EDA: variants seen among roughly 807,000 people sequenced by gnomAD.
EDA encodes ectodysplasin-A.
EDA carries 2 observed loss-of-function variants against 23.6 expected under a neutral mutation model. That is an observed-to-expected ratio of 0.08 (90% confidence interval 0.03 to 0.27). EDA has a LOEUF of 0.27. EDA is among the 10% of genes least tolerant of loss of function. The pLI is 1.00. For synonymous variants in EDA, 131 were observed against 132.0 expected, an observed-to-expected ratio of 0.99 and a Z score of 0.05; for missense variants, 229 against 324.2, an observed-to-expected ratio of 0.71 and a Z score of 2.26.
chrX:69,684,320 G>A (rs1448543650), intron 1 of EDA, among the ~76,000 whole-genome samples: 2 of 111,367 alleles, frequency 1.8e-5, no homozygotes, highest in African/African-American at 6.6e-5. Context: ...GGAACTCATA[G>A]CAGTGTGGGT....
intron 1 of EDA, among the ~76,000 whole-genome samples, chrX:69,768,536 A>G (rs72628833): frequency 0.085 from 9,450 of 111,234 alleles, 998 homozygotes; most frequent in East Asian, 0.7. Flanking sequence ...TCTCGGTTCT[A>G]TTATGTATCA....
At chrX:69,843,168 A>G (rs1052389301) in intron 1 of EDA, among the ~76,000 whole-genome samples, 3 of 112,200 alleles carry the variant, frequency 2.7e-5, no homozygotes, top group African/African-American at 9.7e-5. Flanking sequence ...TCAAGACTCC[A>G]AATTTGTAAC....
chrX:69,661,405 A>G (rs7471344), intron 1 of EDA, among the ~76,000 whole-genome samples: 1 of 96,006 alleles, frequency 1.0e-5, no homozygotes, highest in Non-Finnish European at 2.1e-5. Context: ...GGTGTTTTAG[A>G]CATGAAGTCC....
intron 2 of EDA, among the ~76,000 whole-genome samples, chrX:69,997,266 G>C (rs1474567751): frequency 8.9e-6 from 1 of 111,995 alleles, no homozygotes; most frequent in Admixed American, 9.5e-5. Flanking sequence ...GTCTCAGATA[G>C]AGATGAGGAA....
At chrX:69,761,978 A>T (rs2014322722) in intron 1 of EDA, among the ~76,000 whole-genome samples, 2 of 111,663 alleles carry the variant, frequency 1.8e-5, no homozygotes. Flanking sequence ...GGTAAAGAAC[A>T]TAAGTCTTAC....
intron 1 of EDA, among the ~76,000 whole-genome samples, chrX:69,916,348 T>C (rs1018038406): frequency 1.8e-5 from 2 of 110,012 alleles, no homozygotes; most frequent in Admixed American, 1.9e-4. Flanking sequence ...AGAAATTTTC[T>C]ATTTTGGTAC....
At chrX:69,699,328 T>G (rs2011468295) in intron 1 of EDA, among the ~76,000 whole-genome samples, 1 of 111,013 alleles carries the variant, frequency 9.0e-6, no homozygotes, top group East Asian at 2.8e-4. Context: ...GGTAGTCCTC[T>G]TTTTCTTCTG....
At chrX:69,858,660 ATGTT>A (rs2017311235) in intron 1 of EDA, among the ~76,000 whole-genome samples, 3 of 111,834 alleles carry the variant, frequency 2.7e-5, no homozygotes, top group African/African-American at 9.7e-5. Flanking sequence ...TTCTGCATCA[ATGTT>A]CATCAAGGAT....
chrX:69,705,510 G>A (rs1305533658), intron 1 of EDA, among the ~76,000 whole-genome samples: 2 of 112,306 alleles, frequency 1.8e-5, no homozygotes, highest in African/African-American at 3.2e-5. Context: ...TTTACTCATA[G>A]TAGCAGTAGG....
At chrX:69,992,842 G>A (rs1275842243) in intron 2 of EDA, among the ~76,000 whole-genome samples, 2 of 107,764 alleles carry the variant, frequency 1.9e-5, no homozygotes, top group Non-Finnish European at 3.9e-5. Flanking sequence ...CTTTTCCTAT[G>A]AGTCTGCTTT....
chrX:69,620,634 C>T (rs930003968), intron 1 of EDA: 1 of 145,049 alleles, frequency 6.9e-6, no homozygotes, highest in African/African-American at 3.2e-5. Context: ...CGCATTTTCT[C>T]TCTCACTAAC....
chrX:69,846,182 C>A (rs2017002319), intron 1 of EDA, among the ~76,000 whole-genome samples: 1 of 112,366 alleles, frequency 8.9e-6, no homozygotes, highest in Non-Finnish European at 1.9e-5. Context: ...ACGAAATTTT[C>A]AAATTAAGTT....
intron 1 of EDA, among the ~76,000 whole-genome samples, chrX:69,835,159 T>G (rs2016739524): frequency 1.2e-5 from 1 of 80,401 alleles, no homozygotes; most frequent in African/African-American, 4.4e-5. Flanking sequence ...TTTCCTTCAT[T>G]TCAACCTTGG....
At chrX:69,656,547 T>G (rs1368357964) in intron 1 of EDA, among the ~76,000 whole-genome samples, 1 of 111,826 alleles carries the variant, frequency 8.9e-6, no homozygotes, top group African/African-American at 3.3e-5. Flanking sequence ...TGCAGTTTTC[T>G]TATATAGGTA....
intron 1 of EDA, among the ~76,000 whole-genome samples, chrX:69,819,193 A>G (rs1381381140): frequency 8.9e-6 from 1 of 112,230 alleles, no homozygotes; most frequent in African/African-American, 3.2e-5. Flanking sequence ...AACTCTTAAT[A>G]AACTAGATGT....
intron 2 of EDA, among the ~76,000 whole-genome samples, chrX:70,007,108 A>T (rs745991685): frequency 8.9e-6 from 1 of 112,230 alleles, no homozygotes; most frequent in African/African-American, 3.2e-5. Flanking sequence ...GTGGTATTTC[A>T]CAAATACCAC....
Position 69,676,507 on chromosome X carries a change from C to T in EDA, c.396+59803C>T, listed in dbSNP as rs111516814. On this transcript the variant is annotated intron_variant, in intron 1 of 7. Transcript: ENST00000374552. ...TTCTGTGTGTGTGTGTGTGTGCGCGCGCGCACGTGTGCTTGTGTGTGTGTG... is the reference window on the plus strand; with the variant it reads ...TTCTGTGTGTGTGTGTGTGTGCGCGTGCGCACGTGTGCTTGTGTGTGTGTG... Among the ~76,000 whole-genome samples, 515 of 107,857 alleles carry T rather than the reference C, an allele frequency of 4.8e-3. 2 individuals are homozygous for T. The highest frequency in any genetic ancestry group is 9.3e-3 in the Middle Eastern group (2 of 215). The allele number at this position is 107,857 out of a possible 115,157, so 93.7% of individuals were successfully genotyped here.
intron 2 of EDA, among the ~76,000 whole-genome samples, chrX:70,017,003 G>A (rs12396628): frequency 0.49 from 53,281 of 108,003 alleles, 9,953 homozygotes; most frequent in African/African-American, 0.56. Flanking sequence ...AATAAACACA[G>A]TCAGAAATGA....
At chrX:69,906,902 A>G (rs914134849) in intron 1 of EDA, among the ~76,000 whole-genome samples, 1 of 112,528 alleles carries the variant, frequency 8.9e-6, no homozygotes, top group African/African-American at 3.2e-5. Context: ...AAGATATTCA[A>G]TAAGTATGTG....
Sources: allele counts gnomAD v4.1 joint callset (sites outside exome capture counted in the v4.1 genomes callset), GRCh38; gene constraint gnomAD v4.1.1; transcripts MANE v1.5; gene names NCBI Gene and HGNC (gene_info 2026-07-23, HGNC 2026-07-21).